The following DPP6 variants were observed in gnomAD, a reference collection of about 807,000 sequenced individuals.
DPP6 encodes the protein A-type potassium channel modulatory protein DPP6.
Under a neutral mutation model 122.6 loss-of-function variants are expected in DPP6, and 69 were observed. The observed-to-expected ratio is 0.56, with a 90% confidence interval of 0.46 to 0.69. DPP6 has a LOEUF of 0.69. DPP6 is among the 30% of genes least tolerant of loss of function. The probability of loss-of-function intolerance (pLI) is 0.00; values close to 1 mark genes in which losing one functional copy is unlikely to be tolerated. For synonymous variants in DPP6, 418 were observed against 433.1 expected, an observed-to-expected ratio of 0.97 and a Z score of 0.43; for missense variants, 928 against 1,116.9, an observed-to-expected ratio of 0.83 and a Z score of 2.41.
intron 1 of DPP6, among the ~76,000 whole-genome samples, chr7:154,443,408 G>A (rs1250991738): frequency 6.6e-6 from 1 of 152,150 alleles, no homozygotes; most frequent in Non-Finnish European, 1.5e-5. Flanking sequence ...GTCAGTATCT[G>A]TTTTATTCAT....
At chr7:154,130,115 GAAAAA>G (rs200780960) in intron 1 of DPP6, among the ~76,000 whole-genome samples, 14 of 151,690 alleles carry the variant, frequency 9.2e-5, no homozygotes, top group Non-Finnish European at 1.9e-4. Flanking sequence ...AAAAAGGAAA[GAAAAA>G]AAGAAAAGAA....
At chr7:154,777,510 G>A (rs751513102) in intron 10 of DPP6, among the ~76,000 whole-genome samples, 13 of 152,100 alleles carry the variant, frequency 8.5e-5, no homozygotes, top group African/African-American at 1.9e-4. Flanking sequence ...AATGCAAATC[G>A]CTGTGCTGTG....
intron 1 of DPP6, among the ~76,000 whole-genome samples, chr7:154,267,388 TTATA>T (rs1803490497): frequency 6.8e-6 from 1 of 147,958 alleles, no homozygotes; most frequent in Admixed American, 6.8e-5. Context: ...TATTTATCCC[TTATA>T]TATATTTTAT....
Position 154,893,472 on chromosome 7 carries a change from A to G in DPP6, c.*992A>G, listed in dbSNP as rs1435463966. 2 of 143,478 alleles carry G rather than the reference A, an allele frequency of 1.4e-5. No homozygotes were observed. Among genetic ancestry groups the G allele is most frequent in the African/African-American group, 5.2e-5 (2 of 38,266 alleles). The allele number at this position is 143,478 out of a possible 1,614,324, so 8.9% of individuals were successfully genotyped here. A position where few individuals can be genotyped will look rare whatever the true frequency, so the allele number is the denominator to read the frequency against. ...TGGTTTAAAAAAAAAAAAAAAAAAA[A>G]AAAAAAAACAGAAAAAAGACAAAGC... is the stretch of plus-strand genomic sequence containing the variant. On this transcript the variant is annotated 3_prime_UTR_variant, in exon 26 of 26. Transcript: ENST00000377770.
At chr7:154,239,992 TAAAAAAAAAAAAAAAAAAAAAAAAA>T (rs763543397) in intron 1 of DPP6, among the ~76,000 whole-genome samples, 15 of 50,426 alleles carry the variant, frequency 3.0e-4, no homozygotes, top group Non-Finnish European at 4.3e-4. Flanking sequence ...ATGCTGTCTT[TAAAAAAAAAAAAAAAAAAAAAAAAA>T]AAAAAAAAAA....
intron 20 of DPP6, among the ~76,000 whole-genome samples, chr7:154,879,521 G>A (rs1298576278): frequency 2.1e-5 from 2 of 95,968 alleles, no homozygotes; most frequent in African/African-American, 1.0e-4. Flanking sequence ...ACCCCAGGGG[G>A]CGGAGCCTGC....
In DPP6 at chr7:154,528,971, C is replaced by T. The variant is rs553225744; in HGVS notation, c.458-11561C>T. On this transcript the variant is annotated intron_variant, in intron 3 of 25. Coordinates refer to ENST00000377770, the MANE Select transcript of DPP6 (RefSeq NM_130797.4). ...TGGGAAGAGGGGCCAAGGCCAGAAT[C>T]GGAAGGACCTTAAATGTCAGGCTAA... Among the ~76,000 whole-genome samples the T allele has an allele frequency of 1.2e-4, 18 of 152,196 alleles. 1 individual carries two copies. In the East Asian group the frequency reaches 2.1e-3, roughly 18 times the overall value.
chr7:154,713,190 T>C (rs1365427380), intron 7 of DPP6, among the ~76,000 whole-genome samples: 1 of 152,230 alleles, frequency 6.6e-6, no homozygotes, highest in African/African-American at 2.4e-5. Context: ...TGAGCGCCCA[T>C]GGGGGCAGCT....
chr7:154,745,685 T>G (rs149224875), intron 8 of DPP6, among the ~76,000 whole-genome samples: 4 of 152,220 alleles, frequency 2.6e-5, no homozygotes, highest in Non-Finnish European at 4.4e-5. Flanking sequence ...TGGCAGAAGA[T>G]GAAGTGGAGC....
chr7:154,419,355 C>T (rs1817269886), intron 1 of DPP6, among the ~76,000 whole-genome samples: 1 of 152,206 alleles, frequency 6.6e-6, no homozygotes, highest in East Asian at 1.9e-4. Context: ...GATAGTCATC[C>T]TTCCAGGAGT....
chr7:154,655,608 C>T (rs368356558), intron 6 of DPP6, among the ~76,000 whole-genome samples: 3 of 152,306 alleles, frequency 2.0e-5, no homozygotes, highest in South Asian at 4.1e-4. Context: ...CTGTCTTCCT[C>T]TCTGTCACAC....
chr7:154,225,545 T>G (rs1800543798), intron 1 of DPP6, among the ~76,000 whole-genome samples: 1 of 151,834 alleles, frequency 6.6e-6, no homozygotes, highest in Non-Finnish European at 1.5e-5. Flanking sequence ...TTCATTGGTG[T>G]TTTTCCCTTA....
chr7:153,970,012 G>A (rs577193328), intron 1 of DPP6, among the ~76,000 whole-genome samples: 1 of 152,270 alleles, frequency 6.6e-6, no homozygotes, highest in East Asian at 1.9e-4. Context: ...CTTATCAGTA[G>A]TTCAATTCTT....
chr7:153,955,715 A>G (rs1306956659), intron 1 of DPP6, among the ~76,000 whole-genome samples: 1 of 152,202 alleles, frequency 6.6e-6, no homozygotes, highest in Non-Finnish European at 1.5e-5. Flanking sequence ...CTGGGATTAC[A>G]GGCGTGAGTC....
intron 6 of DPP6, among the ~76,000 whole-genome samples, chr7:154,662,462 T>C (rs1278979311): frequency 2.2e-5 from 2 of 90,656 alleles, no homozygotes; most frequent in African/African-American, 7.6e-5. Context: ...CACCATGGCG[T>C]ATCAGCCGTA....
chr7:153,762,627 A>G, the DPP6 span, among the ~76,000 whole-genome samples: 2 of 152,022 alleles, frequency 1.3e-5, no homozygotes, highest in South Asian at 4.2e-4. Context: ...AAAAAAAAAA[A>G]AAATTATCTG....
intron 16 of DPP6, among the ~76,000 whole-genome samples, chr7:154,810,674 C>G (rs567520076): frequency 6.6e-6 from 1 of 152,136 alleles, no homozygotes; most frequent in Admixed American, 6.6e-5. Flanking sequence ...GACCCAGCCC[C>G]CAGGTACAGC....
chr7:154,748,890 GT>G (rs1843168571), intron 8 of DPP6, among the ~76,000 whole-genome samples: 1 of 152,220 alleles, frequency 6.6e-6, no homozygotes, highest in Non-Finnish European at 1.5e-5. Context: ...CTGCATTTGG[GT>G]ATTTCCAGGT....
At chr7:154,074,080 G>GAGATATATAGAGATCTATATAGAGAT (rs146795398) in intron 1 of DPP6, among the ~76,000 whole-genome samples, 2 of 109,374 alleles carry the variant, frequency 1.8e-5, no homozygotes, top group South Asian at 3.0e-4. Flanking sequence ...CATATAGAGA[G>GAGATATATAGAGATCTATATAGAGAT]AGATATATAG....
Sources: gnomAD v4.1 joint callset for allele counts (sites outside exome capture counted in the v4.1 genomes callset) on GRCh38, gnomAD v4.1.1 for gene constraint, MANE v1.5 for transcripts, NCBI Gene and HGNC (gene_info 2026-07-23, HGNC 2026-07-21) for gene names.